The following B3GALT1 variants were observed in gnomAD, a reference collection of about 807,000 sequenced individuals.
B3GALT1 encodes beta-1,3-galactosyltransferase 1, also known as UDP-Gal:betaGlcNAc beta 1,3-galactosyltransferase, polypeptide 1.
In B3GALT1, 10 loss-of-function variants were observed where a neutral mutation model predicts 23.2. The ratio of observed to expected loss-of-function variants is 0.43; its 90% CI spans 0.27 to 0.73. B3GALT1 has a LOEUF of 0.73. B3GALT1 is among the 30% of genes least tolerant of loss of function. The probability of loss-of-function intolerance (pLI) is 0.21; values close to 1 mark genes in which losing one functional copy is unlikely to be tolerated. For synonymous variants in B3GALT1, 156 were observed against 141.5 expected (o/e 1.10, Z -0.73); for missense variants, 299 against 405.4 (o/e 0.74, Z 2.25).
intron 2 of B3GALT1, among the ~76,000 whole-genome samples, chr2:167,616,749 A>G (rs1035741469): frequency 1.3e-5 from 2 of 152,004 alleles, no homozygotes; most frequent in African/African-American, 4.8e-5. Context: ...GTTAATGGTA[A>G]TTCTGGTTGA....
chr2:167,817,532 C>T (rs555957144), intron 3 of B3GALT1, among the ~76,000 whole-genome samples: 1 of 152,104 alleles, frequency 6.6e-6, no homozygotes, highest in Non-Finnish European at 1.5e-5. Flanking sequence ...CATACACTTA[C>T]CCATCACACA....
At position 167,463,373 on chromosome 2, in the gene B3GALT1, C is replaced by G. The variant is rs1699295867; in HGVS notation, c.-510-26804C>G. ...GAGTCTATACGGTCATCTCCTCCCT[C>G]ATAATATTACTAATACACTAATAGC... On this transcript the variant is annotated intron_variant, in intron 1 of 4. Coordinates refer to ENST00000392690, the MANE Select transcript of B3GALT1 (RefSeq NM_020981.4). Among the ~76,000 whole-genome samples, 3 of 152,218 alleles carry G rather than the reference C, an allele frequency of 2.0e-5. No individual in the cohort carries two copies. In the South Asian group the frequency reaches 6.2e-4, roughly 32 times the overall value.
intron 2 of B3GALT1, among the ~76,000 whole-genome samples, chr2:167,645,575 T>C (rs1685734895): frequency 6.9e-6 from 1 of 144,428 alleles, no homozygotes; most frequent in Non-Finnish European, 1.5e-5. Context: ...TTTTTTTTTT[T>C]TTTTGAGATG....
chr2:167,674,129 A>G lies in B3GALT1; in HGVS notation c.-352+27163A>G, dbSNP rs1686382673. 2.0e-5 allele frequency among the ~76,000 whole-genome samples: 3 copies of G among 152,176 alleles called. No homozygotes were observed. In the South Asian group the frequency reaches 6.2e-4, roughly 32 times the overall value. ...CCAGAATTTAGTGTATATTAAATAC[A>G]ACTAATATTGGTATTAAAAGAGGAA... is the stretch of plus-strand genomic sequence containing the variant. On this transcript the variant is annotated intron_variant, in intron 3 of 4. Transcript: ENST00000392690.
intron 3 of B3GALT1, among the ~76,000 whole-genome samples, chr2:167,763,174 A>C (rs1317428941): frequency 6.6e-6 from 1 of 152,230 alleles, no homozygotes; most frequent in Non-Finnish European, 1.5e-5. Flanking sequence ...CCCAGAATGT[A>C]TACGGGGTTA....
intron 3 of B3GALT1, among the ~76,000 whole-genome samples, chr2:167,736,146 C>T (rs541477089): frequency 1.5e-4 from 23 of 152,302 alleles, no homozygotes; most frequent in Admixed American, 1.4e-3. Flanking sequence ...TCAGATTCCA[C>T]AGCGTCAATC....
intron 1 of B3GALT1, among the ~76,000 whole-genome samples, chr2:167,437,238 G>C (rs1698801380): frequency 6.6e-6 from 1 of 152,192 alleles, no homozygotes; most frequent in Non-Finnish European, 1.5e-5. Context: ...TCTGGGATGG[G>C]CTAAGCTTAG....
At chr2:167,518,736 C>G (rs1232231084) in intron 2 of B3GALT1, among the ~76,000 whole-genome samples, 1 of 152,200 alleles carries the variant, frequency 6.6e-6, no homozygotes, top group Non-Finnish European at 1.5e-5. Flanking sequence ...TGTGTGCCAA[C>G]TTGCTACAGT....
intron 3 of B3GALT1, among the ~76,000 whole-genome samples, chr2:167,812,987 A>ACCCC (rs1574276357): frequency 2.7e-5 from 2 of 74,428 alleles, no homozygotes; most frequent in African/African-American, 8.3e-5. Context: ...ACGCACCACC[A>ACCCC]CCACCCCCAC....
chr2:167,450,997 C>A (rs1699081390), intron 1 of B3GALT1, among the ~76,000 whole-genome samples: 1 of 151,888 alleles, frequency 6.6e-6, no homozygotes, highest in Non-Finnish European at 1.5e-5. Flanking sequence ...ATGAGACTTT[C>A]CAGAACATTT....
intron 1 of B3GALT1, among the ~76,000 whole-genome samples, chr2:167,401,035 T>C (rs1698180395): frequency 6.6e-6 from 1 of 152,056 alleles, no homozygotes; most frequent in African/African-American, 2.4e-5. Context: ...CTTAATTGAG[T>C]AGGCAGATGA....
chr2:167,481,639 G>A (rs1173143611), intron 1 of B3GALT1, among the ~76,000 whole-genome samples: 2 of 152,214 alleles, frequency 1.3e-5, no homozygotes, highest in Non-Finnish European at 2.9e-5. Flanking sequence ...GAGAAAGAAT[G>A]ATGGTCATGT....
chr2:167,496,495 A>T (rs567271236), intron 2 of B3GALT1, among the ~76,000 whole-genome samples: 5 of 152,300 alleles, frequency 3.3e-5, no homozygotes, highest in Admixed American at 2.0e-4. Flanking sequence ...TTGGCAGTGA[A>T]AAGAGAAAGA....
chr2:167,759,493 T>C (rs1300815628), intron 3 of B3GALT1, among the ~76,000 whole-genome samples: 1 of 152,146 alleles, frequency 6.6e-6, no homozygotes, highest in Non-Finnish European at 1.5e-5. Context: ...GAGATCTTAC[T>C]GAAGGATAGC....
intron 2 of B3GALT1, among the ~76,000 whole-genome samples, chr2:167,503,565 A>T (rs1172485606): frequency 1.3e-5 from 2 of 152,168 alleles, no homozygotes; most frequent in African/African-American, 4.8e-5. Flanking sequence ...ATCATTATCC[A>T]CTACCTGCTG....
intron 3 of B3GALT1, among the ~76,000 whole-genome samples, chr2:167,751,288 G>A (rs1329875979): frequency 6.6e-6 from 1 of 152,170 alleles, no homozygotes; most frequent in Non-Finnish European, 1.5e-5. Context: ...TATTTAAAAT[G>A]TGTCATAATA....
chr2:167,781,856 C>G (rs1285539735), intron 3 of B3GALT1, among the ~76,000 whole-genome samples: 1 of 152,204 alleles, frequency 6.6e-6, no homozygotes, highest in Non-Finnish European at 1.5e-5. Context: ...ATCCTCCCAC[C>G]TCAGCCTCCT....
At chr2:167,427,137 G>A (rs527716528) in intron 1 of B3GALT1, among the ~76,000 whole-genome samples, 1 of 152,240 alleles carries the variant, frequency 6.6e-6, no homozygotes, top group Non-Finnish European at 1.5e-5. Context: ...TCACAAATAG[G>A]CAAAACTAAA....
chr2:167,717,118 A>C (rs1251949318), intron 3 of B3GALT1, among the ~76,000 whole-genome samples: 1 of 152,180 alleles, frequency 6.6e-6, no homozygotes, highest in African/African-American at 2.4e-5. Context: ...GAAATCTGAC[A>C]CAACCTGTTT....
Sources: gnomAD v4.1 joint callset for allele counts (sites outside exome capture counted in the v4.1 genomes callset) on GRCh38, gnomAD v4.1.1 for gene constraint, MANE v1.5 for transcripts, NCBI Gene and HGNC (gene_info 2026-07-23, HGNC 2026-07-21) for gene names.